Variants in FAT3 observed in about 807,000 individuals in gnomAD.
The protein encoded by FAT3 is FAT atypical cadherin 3.
A neutral mutation model predicts 310.2 loss-of-function variants in FAT3; 95 were observed. The observed-to-expected ratio is 0.31, with a 90% CI of 0.26 to 0.36. The LOEUF (loss-of-function observed/expected upper bound fraction) is 0.36. Among genes scored for constraint, FAT3 ranks in the 10% least tolerant of loss-of-function variants. The pLI is 1.00. For missense variants in FAT3, 5,408 were observed against 5,715.6 expected, an observed-to-expected ratio of 0.95 and a Z score of 1.74; for synonymous variants, 2,314 against 2,192.9, an observed-to-expected ratio of 1.06 and a Z score of -1.54.
At chr11:92,860,106 G>A (rs890813823) in intron 21 of FAT3, among the ~76,000 whole-genome samples, 1 of 152,140 alleles carries the variant, frequency 6.6e-6, no homozygotes, top group Non-Finnish European at 1.5e-5. Flanking sequence ...GGAGGCTGAG[G>A]CCACTGCACA....
intron 1 of FAT3, among the ~76,000 whole-genome samples, chr11:92,264,436 A>G (rs942816903): frequency 3.3e-5 from 5 of 152,116 alleles, no homozygotes; most frequent in Non-Finnish European, 2.9e-5. Context: ...GAAGAAACCA[A>G]TCTTGGGTTG....
At chr11:92,543,852 C>G (rs576692852) in intron 3 of FAT3, among the ~76,000 whole-genome samples, 20 of 152,278 alleles carry the variant, frequency 1.3e-4, no homozygotes, top group African/African-American at 4.6e-4. Flanking sequence ...CCTGGAAGCA[C>G]AAAATGAGTA....
At chr11:92,279,499 C>A (rs926050769) in intron 1 of FAT3, among the ~76,000 whole-genome samples, 6 of 152,146 alleles carry the variant, frequency 3.9e-5, no homozygotes, top group Admixed American at 3.9e-4. Flanking sequence ...ACTCAATTAT[C>A]TTCACACATG....
intron 1 of FAT3, among the ~76,000 whole-genome samples, chr11:92,309,491 G>T (rs1457594021): frequency 6.6e-6 from 1 of 151,936 alleles, no homozygotes; most frequent in Non-Finnish European, 1.5e-5. Context: ...AACTTAAAAC[G>T]CTGGTTGCTG....
intron 22 of FAT3, among the ~76,000 whole-genome samples, chr11:92,872,625 C>G (rs1169547019): frequency 6.6e-6 from 1 of 152,088 alleles, no homozygotes; most frequent in Admixed American, 6.5e-5. Context: ...AGGTTATGTG[C>G]AGATACATAC....
intron 1 of FAT3, among the ~76,000 whole-genome samples, chr11:92,281,850 T>A (rs1946430722): frequency 6.6e-6 from 1 of 152,132 alleles, no homozygotes; most frequent in Non-Finnish European, 1.5e-5. Context: ...AGTTCTCATA[T>A]TCAAGGATCC....
chr11:92,718,065 T>G (rs914506559), intron 4 of FAT3, among the ~76,000 whole-genome samples: 1 of 152,112 alleles, frequency 6.6e-6, no homozygotes, highest in Non-Finnish European at 1.5e-5. Flanking sequence ...TAGCTTATAG[T>G]AGAAGTGATG....
chr11:92,850,180 C>A (rs1269252421), intron 19 of FAT3, among the ~76,000 whole-genome samples: 6 of 152,104 alleles, frequency 3.9e-5, no homozygotes, highest in Non-Finnish European at 8.8e-5. Flanking sequence ...TTTGAGTAAC[C>A]CTCAGTGTTG....
chr11:92,240,733 C>G (rs2134251310), intron 1 of FAT3, among the ~76,000 whole-genome samples: 1 of 152,078 alleles, frequency 6.6e-6, no homozygotes. Context: ...TGTGAGTAGA[C>G]ATGCATTATT....
chr11:92,286,810 T>C (rs1380433613), intron 1 of FAT3, among the ~76,000 whole-genome samples: 1 of 152,180 alleles, frequency 6.6e-6, no homozygotes, highest in East Asian at 1.9e-4. Flanking sequence ...GCATTAGGTG[T>C]GTAGCCTGAA....
At chr11:92,274,669 T>C (rs1946215929) in intron 1 of FAT3, among the ~76,000 whole-genome samples, 1 of 152,142 alleles carries the variant, frequency 6.6e-6, no homozygotes, top group South Asian at 2.1e-4. Context: ...AAAAGCTTTA[T>C]ATTTTTCTAT....
At chr11:92,727,667 AG>A (rs1945038949) in intron 4 of FAT3, among the ~76,000 whole-genome samples, 1 of 152,190 alleles carries the variant, frequency 6.6e-6, no homozygotes, top group South Asian at 2.1e-4. Flanking sequence ...GCACTGCCTA[AG>A]GAGCAGTGAC....
chr11:92,683,875 G>A (rs1403868232), intron 3 of FAT3, among the ~76,000 whole-genome samples: 1 of 152,144 alleles, frequency 6.6e-6, no homozygotes, highest in Non-Finnish European at 1.5e-5. Flanking sequence ...CTAGTGCCAA[G>A]GCATTAATGT....
At chr11:92,810,497 G>T (rs766195538) in intron 13 of FAT3, among the ~76,000 whole-genome samples, 1 of 152,208 alleles carries the variant, frequency 6.6e-6, no homozygotes, top group Non-Finnish European at 1.5e-5. Flanking sequence ...TCGGTCACAT[G>T]CTTTAGCTGA....
chr11:92,761,088 G>A (rs1022687556), intron 4 of FAT3, among the ~76,000 whole-genome samples: 4 of 152,230 alleles, frequency 2.6e-5, no homozygotes, highest in Non-Finnish European at 5.9e-5. Context: ...ACATGGAGAT[G>A]TGTCTTAGTC....
At chr11:92,804,468 C>A (rs1044222066) in intron 10 of FAT3, among the ~76,000 whole-genome samples, 23 of 152,242 alleles carry the variant, frequency 1.5e-4, no homozygotes, top group Admixed American at 1.5e-3. Context: ...GGACCACTGT[C>A]CATGCTTCAG....
intron 3 of FAT3, among the ~76,000 whole-genome samples, chr11:92,650,999 G>A (rs549308149): frequency 3.3e-5 from 5 of 152,092 alleles, no homozygotes; most frequent in Non-Finnish European, 5.9e-5. Flanking sequence ...GCATTCCTTC[G>A]GATGAAGTTT....
intron 9 of FAT3, among the ~76,000 whole-genome samples, chr11:92,794,796 C>T (rs563526455): frequency 1.6e-4 from 24 of 152,262 alleles, no homozygotes; most frequent in Non-Finnish European, 2.4e-4. Context: ...ACAATGTTCA[C>T]AATAAATCTC....
intron 2 of FAT3, among the ~76,000 whole-genome samples, chr11:92,486,130 G>GGTT (rs1952381514): frequency 8.1e-5 from 3 of 37,126 alleles, no homozygotes; most frequent in South Asian, 2.4e-3. Flanking sequence ...GGCTGCTGGG[G>GGTT]TTTTTTTTTT....
Sources: allele counts gnomAD v4.1 joint callset (sites outside exome capture counted in the v4.1 genomes callset), GRCh38; gene constraint gnomAD v4.1.1; transcripts MANE v1.5; gene names NCBI Gene and HGNC (gene_info 2026-07-23, HGNC 2026-07-21).